The following NRP2 variants were observed in gnomAD, a reference collection of about 807,000 sequenced individuals.
NRP2 encodes the protein neuropilin-2.
NRP2 carries 52 observed loss-of-function variants against 110.4 expected under a neutral mutation model. The observed-to-expected ratio is 0.47, with a 90% CI of 0.38 to 0.59. The LOEUF is 0.59. Ranked by LOEUF, NRP2 falls within the 20% of genes least tolerant of loss-of-function variation. NRP2 has a pLI of 0.00. For missense variants in NRP2, 1,049 were observed against 1,203.0 expected (o/e 0.87, Z 1.89); for synonymous variants, 508 against 468.9 (o/e 1.08, Z -1.08).
intron 15 of NRP2, among the ~76,000 whole-genome samples, chr2:205,787,705 T>TAA (rs3834159): frequency 1.2e-4 from 17 of 143,302 alleles, no homozygotes; most frequent in South Asian, 6.9e-4. Flanking sequence ...AGAGGAAAGA[T>TAA]AAAAAAAAGT....
chr2:205,774,979 T>C (rs1424106283), intron 15 of NRP2, among the ~76,000 whole-genome samples: 1 of 152,050 alleles, frequency 6.6e-6, no homozygotes, highest in Admixed American at 6.5e-5. Flanking sequence ...CCCGTTTGCA[T>C]CTTGAGCAGA....
intron 12 of NRP2, chr2:205,759,585 G>C (rs574364656): frequency 5.9e-5 from 9 of 152,330 alleles, no homozygotes; most frequent in Admixed American, 2.0e-4. Context: ...CAACACAAAA[G>C]ACCTGTGGTG....
chr2:205,685,953 C>G (rs1225399309), intron 1 of NRP2: 2 of 152,422 alleles, frequency 1.3e-5, no homozygotes, highest in Middle Eastern at 3.4e-3. Flanking sequence ...CCCGCCGGTG[C>G]GCAGGAACAG....
intron 15 of NRP2, among the ~76,000 whole-genome samples, chr2:205,772,672 TC>T (rs2058040195): frequency 6.6e-6 from 1 of 152,188 alleles, no homozygotes; most frequent in African/African-American, 2.4e-5. Context: ...GGTCAACAGA[TC>T]AACCAACTCC....
intron 12 of NRP2, chr2:205,756,855 AAGTAAC>A (rs2057742321): frequency 6.6e-6 from 1 of 152,230 alleles, no homozygotes; most frequent in Non-Finnish European, 1.5e-5. Flanking sequence ...TAAAGTAAGC[AAGTAAC>A]ATGGCATTAG....
At chr2:205,683,994 G>A (rs2056082196) in intron 1 of NRP2, among the ~76,000 whole-genome samples, 1 of 152,200 alleles carries the variant, frequency 6.6e-6, no homozygotes, top group Non-Finnish European at 1.5e-5. Flanking sequence ...TCATCCATGT[G>A]TTGTCTGGGA....
In NRP2 at chr2:205,749,100, G is replaced by A. The variant is rs530058005; in HGVS notation, c.1787-625G>A. 3.3e-5 allele frequency among the ~76,000 whole-genome samples: 5 copies of A among 152,306 alleles called. No individual in the cohort carries two copies. The East Asian group carries it at 9.6e-4, about 29-fold the overall frequency. ...GGAAGACCTGGCCTGGCCACACTGG[G>A]CCACCTCCCCTCCAGGCCCCAGTCT... On this transcript the variant is annotated intron_variant, in intron 10 of 16. Transcript: ENST00000357785.
In NRP2 at chr2:205,725,914, C is replaced by T. The variant is rs2057118299; in HGVS notation, c.822C>T (p.Asn274=). The T allele has an allele frequency of 6.2e-7, 1 of 1,614,002 alleles. No individual in the cohort carries two copies. The highest frequency in any genetic ancestry group is 1.7e-5 in the Admixed American group (1 of 60,012). Residue 274 remains asparagine (N), a splice_region_variant and synonymous_variant, in exon 6 of 17, where the codon AAC becomes AAT. Transcript: ENST00000357785. The surrounding 1 kb of genome is among the most constrained non-coding windows in gnomAD (Gnocchi z 4.1). ...YYLVHQEPLE[N]FQCNVPLGME... is the part of the protein sequence containing the mutation. ...CATTTGACCGTCTGCTTTCCCCAGA[C>T]TTTCAGTGCAATGTTCCTCTGGGCA...
chr2:205,728,204 T>C (rs2057166940), intron 7 of NRP2, among the ~76,000 whole-genome samples, 158 bp downstream of exon 7: 1 of 152,176 alleles, frequency 6.6e-6, no homozygotes. Flanking sequence ...GAAAATCTTC[T>C]CTCTTAGGCT....
chr2:205,706,614 C>T (rs890926489), intron 2 of NRP2, among the ~76,000 whole-genome samples: 4 of 151,972 alleles, frequency 2.6e-5, no homozygotes, highest in African/African-American at 7.3e-5. Context: ...AAGTTCAAAG[C>T]GATTTATCTA....
At chr2:205,730,821 A>C (rs534954228) in intron 7 of NRP2, among the ~76,000 whole-genome samples, 49 of 152,360 alleles carry the variant, frequency 3.2e-4, no homozygotes, top group Non-Finnish European at 5.6e-4. Context: ...ATGTGGACCC[A>C]GACGGGGCTG....
chr2:205,745,958 C>T, intron 10 of NRP2, 68 bp downstream of exon 10: 1 of 1,582,692 alleles, frequency 6.3e-7, no homozygotes, highest in Non-Finnish European at 8.7e-7. Context: ...TCCCACGAGG[C>T]CCTGGGAGGG....
At chr2:205,683,563 TGTGTGTG>T (rs2056067382) in intron 1 of NRP2, among the ~76,000 whole-genome samples, 200 bp downstream of exon 1, 1 of 44,924 alleles carries the variant, frequency 2.2e-5, no homozygotes, top group South Asian at 9.9e-4. Context: ...GGAGTGTGTG[TGTGTGTG>T]TGTGTGTGTG....
chr2:205,698,029 C>T (rs568083521), intron 2 of NRP2: 3 of 417,696 alleles, frequency 7.2e-6, no homozygotes, highest in Non-Finnish European at 1.3e-5. Context: ...AAACTCTACT[C>T]TTGACTTTGG....
At chr2:205,684,890 G>A (rs1259868833) in intron 1 of NRP2, among the ~76,000 whole-genome samples, 1 of 152,240 alleles carries the variant, frequency 6.6e-6, no homozygotes, top group Non-Finnish European at 1.5e-5. Context: ...CGCGCGCCGT[G>A]AGGATGCCCA....
chr2:205,723,232 G>A (rs1168074330), intron 4 of NRP2, among the ~76,000 whole-genome samples: 1 of 152,194 alleles, frequency 6.6e-6, no homozygotes, highest in Non-Finnish European at 1.5e-5. Context: ...AAGGCTAACA[G>A]CCACCAGTAC....
intron 7 of NRP2, among the ~76,000 whole-genome samples, chr2:205,736,401 T>A (rs2057343932): frequency 6.6e-6 from 1 of 152,142 alleles, no homozygotes; most frequent in South Asian, 2.1e-4. Flanking sequence ...ACATCCAGCT[T>A]CTAAAGCAGA....
Position 205,686,385 on chromosome 2 carries a change from G to C in NRP2, c.73+3022G>C, listed in dbSNP as rs1032816245. ...CCCGCCTCCCCTCCCCAGCCGCCTC[G>C]CTCTTTGCTTTTCCACGTGAGAAAA... On this transcript the variant is annotated intron_variant, in intron 1 of 16. Coordinates refer to ENST00000357785, the MANE Select transcript of NRP2 (RefSeq NM_003872.3). This position sits in a 1 kb window ranked among gnomAD's most constrained non-coding sequence, Gnocchi z 4.7. Among the ~76,000 whole-genome samples the C allele has an allele frequency of 2.0e-5, 3 of 152,180 alleles. No individual in the cohort carries two copies. Among genetic ancestry groups the C allele is most frequent in the African/African-American group, 7.2e-5 (3 of 41,436 alleles).
intron 15 of NRP2, among the ~76,000 whole-genome samples, chr2:205,773,070 G>A (rs746244384): frequency 3.3e-5 from 5 of 152,128 alleles, no homozygotes; most frequent in Non-Finnish European, 5.9e-5. Flanking sequence ...ATGTTGTCTG[G>A]GAAGGTGCTT....
Sources: allele counts gnomAD v4.1 joint callset (sites outside exome capture counted in the v4.1 genomes callset), GRCh38; gene constraint gnomAD v4.1.1; non-coding constraint Gnocchi (gnomAD v3.1); transcripts MANE v1.5; gene names NCBI Gene and HGNC (gene_info 2026-07-23, HGNC 2026-07-21).